RPH3A: variants seen among roughly 807,000 people sequenced by gnomAD.
RPH3A encodes rabphilin 3A.
Under a neutral mutation model 102.2 loss-of-function variants are expected in RPH3A, and 48 were observed. That is an observed-to-expected ratio of 0.47 (90% CI 0.37 to 0.60). RPH3A has a LOEUF of 0.60. Ranked by LOEUF, RPH3A falls within the 20% of genes least tolerant of loss-of-function variation. The probability of loss-of-function intolerance (pLI) is 0.00; values close to 1 mark genes in which losing one functional copy is unlikely to be tolerated. For synonymous variants in RPH3A, 310 were observed against 324.3 expected (o/e 0.96, Z 0.47); for missense variants, 781 against 910.1 (o/e 0.86, Z 1.83).
At chr12:112,665,251 G>C (rs1378592829) in intron 1 of RPH3A, among the ~76,000 whole-genome samples, 3 of 152,134 alleles carry the variant, frequency 2.0e-5, no homozygotes, top group Non-Finnish European at 4.4e-5. Context: ...TGGACTCCAG[G>C]AACAAATGCC....
chr12:112,791,318 G>C (rs938201025), upstream of RPH3A: 1 of 152,330 alleles, frequency 6.6e-6, no homozygotes, highest in African/African-American at 2.4e-5. Context: ...AGGACTGGGG[G>C]CGTGTGGGAG....
chr12:112,672,142 C>T (rs1308541538), intron 1 of RPH3A, among the ~76,000 whole-genome samples: 1 of 151,776 alleles, frequency 6.6e-6, no homozygotes, highest in Non-Finnish European at 1.5e-5. Flanking sequence ...GGCAGACAGG[C>T]AGGTTGGAGA....
intron 5 of RPH3A, among the ~76,000 whole-genome samples, chr12:112,864,352 G>A (rs1476143272): frequency 6.6e-6 from 1 of 151,596 alleles, no homozygotes; most frequent in Non-Finnish European, 1.5e-5. Context: ...TCAGGAGGCT[G>A]AGGCAGGAGA....
chr12:112,813,520 C>G (rs539262798), intron 2 of RPH3A: 3 of 152,302 alleles, frequency 2.0e-5, no homozygotes, highest in African/African-American at 7.2e-5. Context: ...CCTTGGATTT[C>G]TTAAAATCCA....
At chr12:112,647,547 T>G (rs1240064054) in intron 1 of RPH3A, among the ~76,000 whole-genome samples, 2 of 152,050 alleles carry the variant, frequency 1.3e-5, no homozygotes, top group Non-Finnish European at 2.9e-5. Context: ...ATCAACAGAA[T>G]AAGCCATGAA....
At chr12:112,741,361 C>A (rs2040708213) in intron 1 of RPH3A, among the ~76,000 whole-genome samples, 1 of 152,134 alleles carries the variant, frequency 6.6e-6, no homozygotes, top group African/African-American at 2.4e-5. Context: ...TTTTGGATTG[C>A]TCCTTAATCT....
chr12:112,858,266 CAAAAAAAAAAAAAAAAA>C (rs1164602599), intron 5 of RPH3A, among the ~76,000 whole-genome samples: 2 of 44,774 alleles, frequency 4.5e-5, no homozygotes, highest in South Asian at 2.9e-3. Context: ...GACCCTGTCT[CAAAAAAAAAAAAAAAAA>C]AAAAAAAAAA....
chr12:112,831,816 C>A, intron 3 of RPH3A: 1 of 455,968 alleles, frequency 2.2e-6, no homozygotes. Flanking sequence ...CTTAAGCCAA[C>A]AAATTGCCCT....
rs966633268 is a variant in RPH3A at position 112,792,176 on chromosome 12, G to C, written c.-106G>C. The C allele has an allele frequency of 1.3e-5, 2 of 152,138 alleles. No individual in the cohort carries two copies. The highest frequency in any genetic ancestry group is 4.8e-5 in the African/African-American group (2 of 41,422). The allele number at this position is 152,138 out of a possible 1,614,324, so 9.4% of individuals were successfully genotyped here. The stretch of plus-strand genomic sequence containing the variant: ...GCTGAGCTTTTAAACCAAGTCATTG[G>C]GACTTAGCGTCTTTCTACCCGGCAG... On this transcript the variant is annotated 5_prime_UTR_variant, in exon 2 of 22. Transcript: ENST00000389385.
At chr12:112,785,256 A>G (rs940232919) in intron 1 of RPH3A, among the ~76,000 whole-genome samples, 7 of 150,894 alleles carry the variant, frequency 4.6e-5, no homozygotes, top group Non-Finnish European at 1.0e-4. Flanking sequence ...ATACAGCTGC[A>G]TGGTGGTTGG....
intron 21 of RPH3A, 80 bp downstream of exon 21, chr12:112,895,953 G>A (rs2043172771): frequency 2.1e-6 from 2 of 952,520 alleles, no homozygotes; most frequent in Non-Finnish European, 3.3e-6. Context: ...GCTACAGAGA[G>A]TTGAGGTCAT....
Position 112,841,219 on chromosome 12 carries a change from CA to C in RPH3A, c.83+4723del, listed in dbSNP as rs375560466. The stretch of plus-strand genomic sequence containing the variant: ...AGCCTCGTTGGAAAAAATATACAAA[CA>C]AAAAAGATATTTGGAACCAACAGTC... On this transcript the variant is annotated intron_variant, in intron 4 of 21. Coordinates refer to ENST00000389385, the MANE Select transcript of RPH3A (RefSeq NM_001143854.2). 4.8e-3 allele frequency among the ~76,000 whole-genome samples: 335 copies of C among 69,446 alleles called. 1 individual carries two copies. Among genetic ancestry groups the C allele is most frequent in the Middle Eastern group, 0.019 (2 of 104 alleles). 45.6% of individuals were successfully genotyped at this position (69,446 alleles called of 152,430 possible).
intron 1 of RPH3A, among the ~76,000 whole-genome samples, chr12:112,680,221 T>C (rs2040217166): frequency 6.6e-6 from 1 of 152,190 alleles, no homozygotes; most frequent in African/African-American, 2.4e-5. Flanking sequence ...GATTTAATTT[T>C]TAATTGGAGA....
intron 1 of RPH3A, among the ~76,000 whole-genome samples, chr12:112,665,599 A>C (rs1473528614): frequency 6.6e-6 from 1 of 152,230 alleles, no homozygotes; most frequent in Non-Finnish European, 1.5e-5. Flanking sequence ...TGCCTGGCAC[A>C]AGGTCAGGTA....
At chr12:112,880,583 A>G (rs2042891861) in intron 14 of RPH3A, among the ~76,000 whole-genome samples, 1 of 152,156 alleles carries the variant, frequency 6.6e-6, no homozygotes, top group African/African-American at 2.4e-5. Flanking sequence ...TGCCAGCCCC[A>G]TTGAACAAGT....
rs1249346727 is a variant in RPH3A, at chr12:112,869,918, G to A, written c.675G>A (p.Gly225=). The part of the protein sequence containing the change: ...KTGPDPASAP[G]RGNYGPPVRR... Reference sequence around the variant, plus strand: ...GCCCTGACCCAGCCTCTGCTCCCGGGCGAGGAAACTATGGGCCTCCCGTGC... The same window carrying A: ...GCCCTGACCCAGCCTCTGCTCCCGGACGAGGAAACTATGGGCCTCCCGTGC... Residue 225 remains glycine, a synonymous_variant, in exon 10 of 22, where the codon GGG becomes GGA. Transcript: ENST00000389385. 1.2e-6 allele frequency: 2 copies of A among 1,614,064 alleles called. No individual in the cohort carries two copies. The highest frequency in any genetic ancestry group is 1.6e-4 in the Middle Eastern group (1 of 6,062).
At chr12:112,683,113 A>G (rs966908055) in intron 1 of RPH3A, among the ~76,000 whole-genome samples, 2 of 152,184 alleles carry the variant, frequency 1.3e-5, no homozygotes, top group East Asian at 3.8e-4. Flanking sequence ...GTATCTTCAG[A>G]GCATGCTCAG....
intron 1 of RPH3A, among the ~76,000 whole-genome samples, chr12:112,760,695 G>A (rs1181333215): frequency 6.6e-6 from 1 of 152,198 alleles, no homozygotes; most frequent in Non-Finnish European, 1.5e-5. Flanking sequence ...CCAGGTCAAT[G>A]AGCAGCTAAT....
At chr12:112,863,055 G>T (rs2042548477) in intron 5 of RPH3A, among the ~76,000 whole-genome samples, 1 of 152,266 alleles carries the variant, frequency 6.6e-6, no homozygotes, top group East Asian at 1.9e-4. Context: ...GCAAGGAGAT[G>T]ACTTCAAGCT....
Sources: allele counts gnomAD v4.1 joint callset (sites outside exome capture counted in the v4.1 genomes callset), GRCh38; gene constraint gnomAD v4.1.1; transcripts MANE v1.5; gene names NCBI Gene and HGNC (gene_info 2026-07-23, HGNC 2026-07-21).